GPR157: variants seen among roughly 807,000 people sequenced by gnomAD.
GPR157 encodes G-protein coupled receptor 157.
In GPR157, 16 loss-of-function variants were observed where a neutral mutation model predicts 23.5. The ratio of observed to expected loss-of-function variants is 0.68; its 90% CI spans 0.46 to 1.04. The LOEUF (loss-of-function observed/expected upper bound fraction) is 1.04, where lower values mean the gene tolerates loss of function less well. Ranked by LOEUF, GPR157 falls within the 50% of genes least tolerant of loss-of-function variation. The pLI is 0.00. For missense variants in GPR157, 440 were observed against 460.7 expected (o/e 0.96, Z 0.41); for synonymous variants, 200 against 221.5 (o/e 0.90, Z 0.86).
chr1:9,101,634 T>C lies in GPR157; in HGVS notation c.*2785A>G, dbSNP rs1035106596. 6 of 152,200 alleles carry C rather than the reference T, an allele frequency of 3.9e-5. No homozygotes were observed. The highest frequency in any genetic ancestry group is 8.8e-5 in the Non-Finnish European group (6 of 68,046). The allele number at this position is 152,200 out of a possible 1,614,324, so 9.4% of individuals were successfully genotyped here. ...TGATGTATAACTTTTTGGAGGTTTTTACAAAAGCAGATACAGTGGCCAGTG... is the reference window on the plus strand; with the variant it reads ...TGATGTATAACTTTTTGGAGGTTTTCACAAAAGCAGATACAGTGGCCAGTG... On this transcript the variant is annotated 3_prime_UTR_variant, in exon 4 of 4. Coordinates refer to ENST00000377411, the MANE Select transcript of GPR157 (RefSeq NM_024980.5).
At position 9,120,431 on chromosome 1, in the gene GPR157, C is replaced by A. The variant is rs534317388; in HGVS notation, c.383+8214G>T. Among the ~76,000 whole-genome samples the A allele has an allele frequency of 6.6e-6, 1 of 152,196 alleles. No individual in the cohort carries two copies. Among genetic ancestry groups the A allele is most frequent in the Non-Finnish European group, 1.5e-5 (1 of 68,040 alleles). ...CAGAAAACGCTTTGAGAACCAAACT[C>A]TTGTGCAACAATATGCCAATTTAAA... On this transcript the variant is annotated intron_variant, in intron 1 of 3. Coordinates refer to ENST00000377411, the MANE Select transcript of GPR157 (RefSeq NM_024980.5). This position sits in a 1 kb window ranked among gnomAD's most constrained non-coding sequence, Gnocchi z 4.1.
At chr1:9,109,361 G>T (rs911963645) in intron 2 of GPR157, among the ~76,000 whole-genome samples, 6 of 151,920 alleles carry the variant, frequency 3.9e-5, no homozygotes, top group Non-Finnish European at 8.8e-5. Flanking sequence ...GGGATTACAG[G>T]CATGAGTCAC....
intron 1 of GPR157, among the ~76,000 whole-genome samples, chr1:9,112,627 A>G (rs1638538361): frequency 6.6e-6 from 1 of 152,054 alleles, no homozygotes; most frequent in African/African-American, 2.4e-5. Flanking sequence ...TAATTTTTGT[A>G]TTTCTAGTAG....
intron 3 of GPR157, 39 bp from the exon 4 acceptor site, chr1:9,104,673 T>A (rs1275651399): frequency 2.7e-6 from 4 of 1,485,374 alleles, no homozygotes; most frequent in South Asian, 2.4e-5. Context: ...GGGGCTGGAG[T>A]TGGTCTCAGA....
In GPR157 at chr1:9,101,126, C is replaced by A. The variant is rs972997683; in HGVS notation, c.*3293G>T. On this transcript the variant is annotated 3_prime_UTR_variant, in exon 4 of 4. Coordinates refer to ENST00000377411, the MANE Select transcript of GPR157 (RefSeq NM_024980.5). ...GCAGTGGTGCAGTCTCGGCTCACTGCAACCTCTGCCTTCTGGGTTCAAGCA... is the reference window on the plus strand; with the variant it reads ...GCAGTGGTGCAGTCTCGGCTCACTGAAACCTCTGCCTTCTGGGTTCAAGCA... The A allele has an allele frequency of 1.6e-4, 25 of 152,126 alleles. No individual in the cohort carries two copies. Among genetic ancestry groups the A allele is most frequent in the African/African-American group, 6.0e-4 (25 of 41,422 alleles). 9.4% of individuals were successfully genotyped at this position (152,126 alleles called of 1,614,324 possible). A position where few individuals can be genotyped will look rare whatever the true frequency, so the allele number is the denominator to read the frequency against.
In GPR157 at chr1:9,120,983, C is replaced by T. The variant is rs757284712; in HGVS notation, c.383+7662G>A. On this transcript the variant is annotated intron_variant, in intron 1 of 3. Coordinates refer to ENST00000377411, the MANE Select transcript of GPR157 (RefSeq NM_024980.5). The surrounding 1 kb of genome is among the most constrained non-coding windows in gnomAD (Gnocchi z 4.1). ...ATTCAGATGCCACTGCCTGGGGAGA[C>T]GGGCCAGCTCTGCCACTGGCTTGTC... Among the ~76,000 whole-genome samples the T allele has an allele frequency of 1.2e-4, 19 of 152,326 alleles. No individual in the cohort carries two copies. Among genetic ancestry groups the T allele is most frequent in the African/African-American group, 3.6e-4 (15 of 41,562 alleles).
Position 9,128,977 on chromosome 1 carries a change from C to A in GPR157, c.51G>T (p.Val17=). The A allele has an allele frequency of 1.5e-6, 2 of 1,379,264 alleles. No homozygotes were observed. Among genetic ancestry groups the A allele is most frequent in the East Asian group, 2.9e-5 (1 of 34,122 alleles). 85.4% of individuals were successfully genotyped at this position (1,379,264 alleles called of 1,614,324 possible). The change falls in exon 1 of 4, where the codon GTG becomes GTT. Residue 17 remains valine (V), a synonymous_variant. Transcript: ENST00000377411. The surrounding 1 kb of genome is among the most constrained non-coding windows in gnomAD (Gnocchi z 6.3). ...PTELVPSERA[V]VLLSCALSAL... is the part of the protein sequence containing the mutation. Reference sequence around the variant, plus strand: ...CGGAGAGTGCGCACGACAGCAGCACCACGGCGCGCTCCGACGGCACCAGCT... The same window carrying A: ...CGGAGAGTGCGCACGACAGCAGCACAACGGCGCGCTCCGACGGCACCAGCT...
chr1:9,122,112 C>T (rs775687938), intron 1 of GPR157, among the ~76,000 whole-genome samples: 5 of 152,120 alleles, frequency 3.3e-5, no homozygotes, highest in Non-Finnish European at 5.9e-5. Flanking sequence ...GGAAGGGCTG[C>T]GCCACTCTTG....
Position 9,118,940 on chromosome 1 carries a change from C to T in GPR157, c.384-7451G>A, listed in dbSNP as rs1638743406. Among the ~76,000 whole-genome samples, 1 of 151,956 alleles carries T rather than the reference C, an allele frequency of 6.6e-6. No individual in the cohort carries two copies. Among genetic ancestry groups the T allele is most frequent in the Middle Eastern group, 3.4e-3 (1 of 294 alleles). ...GTCCCAGCTACCCAGGAGGCTGAGGCGGGAGAACCGCTTGAACCCAGGAGG... is the reference window on the plus strand; with the variant it reads ...GTCCCAGCTACCCAGGAGGCTGAGGTGGGAGAACCGCTTGAACCCAGGAGG... On this transcript the variant is annotated intron_variant, in intron 1 of 3. Coordinates refer to ENST00000377411, the MANE Select transcript of GPR157 (RefSeq NM_024980.5). This position sits in a 1 kb window ranked among gnomAD's most constrained non-coding sequence, Gnocchi z 4.6.
At position 9,100,505 on chromosome 1, in the gene GPR157, T is replaced by G. The variant is rs1265116940; in HGVS notation, c.*3914A>C. 1 of 152,162 alleles carries G rather than the reference T, an allele frequency of 6.6e-6. No individual in the cohort carries two copies. The highest frequency in any genetic ancestry group is 2.4e-5 in the African/African-American group (1 of 41,424). 9.4% of individuals were successfully genotyped at this position (152,162 alleles called of 1,614,324 possible). A position where few individuals can be genotyped will look rare whatever the true frequency, so the allele number is the denominator to read the frequency against. On this transcript the variant is annotated 3_prime_UTR_variant, in exon 4 of 4. Transcript: ENST00000377411. ...CTCAGCCTGGGCCAAATAATCATCTTTATTTAAAAACAAAACAGAACAAAC... is the reference window on the plus strand; with the variant it reads ...CTCAGCCTGGGCCAAATAATCATCTGTATTTAAAAACAAAACAGAACAAAC...
At chr1:9,121,815 G>A (rs939571842) in intron 1 of GPR157, among the ~76,000 whole-genome samples, 1 of 152,066 alleles carries the variant, frequency 6.6e-6, no homozygotes, top group Non-Finnish European at 1.5e-5. Flanking sequence ...GTGGATGAAC[G>A]TGTGTGTGAG....
chr1:9,116,205 A>ATT (rs1638643491), intron 1 of GPR157, among the ~76,000 whole-genome samples: 1 of 6,086 alleles, frequency 1.6e-4, no homozygotes, highest in Non-Finnish European at 2.2e-4. Flanking sequence ...AATTATATAT[A>ATT]TAATTATATA....
rs1184210630 is a variant in GPR157 at position 9,100,386 on chromosome 1, G to A, written c.*4033C>T. 6.6e-6 allele frequency: 1 copy of A among 152,160 alleles called. No homozygotes were observed. The highest frequency in any genetic ancestry group is 1.9e-4 in the East Asian group (1 of 5,196). The allele number at this position is 152,160 out of a possible 1,614,324, so 9.4% of individuals were successfully genotyped here. On this transcript the variant is annotated 3_prime_UTR_variant, in exon 4 of 4. Transcript: ENST00000377411. ...CAGTCAGGGCTTGCATTACAATTTTGCAGGTGCAAAAACTCACACTTTTGA... is the reference window on the plus strand; with the variant it reads ...CAGTCAGGGCTTGCATTACAATTTTACAGGTGCAAAAACTCACACTTTTGA...
At chr1:9,112,913 T>C (rs1557696462) in intron 1 of GPR157, among the ~76,000 whole-genome samples, 1 of 152,132 alleles carries the variant, frequency 6.6e-6, no homozygotes. Context: ...AGTTAAGAGC[T>C]TGGATTTTAG....
At position 9,128,716 on chromosome 1, in the gene GPR157, C is replaced by G; in HGVS notation, c.312G>C (p.Leu104Phe). The G allele has an allele frequency of 6.2e-7, 1 of 1,613,298 alleles. No individual in the cohort carries two copies. The highest frequency in any genetic ancestry group is 1.1e-5 in the South Asian group (1 of 91,070). Residue 104 changes from leucine to phenylalanine, a missense_variant, in exon 1 of 4, where the codon TTG becomes TTC. By Grantham distance (22) the Leu-to-Phe change is conservative. Transcript: ENST00000377411. The surrounding 1 kb of genome is among the most constrained non-coding windows in gnomAD (Gnocchi z 6.3). ...GCGCGGCGCGGACGATGCTGAGGTA[C>G]AAGTAGAGCGCAATGGCCACGGTCC... ...FFWTVAIALYLYLSIVRAARG... is the reference protein window; with the variant it reads ...FFWTVAIALYFYLSIVRAARG...
At chr1:9,126,481 G>A (rs1444230182) in intron 1 of GPR157, among the ~76,000 whole-genome samples, 1 of 152,088 alleles carries the variant, frequency 6.6e-6, no homozygotes, top group East Asian at 1.9e-4. Context: ...CTGTGTTGTC[G>A]TATTTTAAAA....
At chr1:9,113,953 C>G (rs941979732) in intron 1 of GPR157, among the ~76,000 whole-genome samples, 1 of 80,256 alleles carries the variant, frequency 1.2e-5, no homozygotes, top group Non-Finnish European at 2.5e-5. Context: ...AAAAAAAAAA[C>G]CAAACACACA....
At chr1:9,114,257 A>C (rs574857905) in intron 1 of GPR157, among the ~76,000 whole-genome samples, 4 of 134,196 alleles carry the variant, frequency 3.0e-5, no homozygotes, top group African/African-American at 1.1e-4. Context: ...TGAATCCAGG[A>C]GGTGGAGCTT....
chr1:9,119,823 G>A (rs945990893), intron 1 of GPR157, among the ~76,000 whole-genome samples: 3 of 152,216 alleles, frequency 2.0e-5, no homozygotes, highest in Non-Finnish European at 4.4e-5. Flanking sequence ...GTGTCCTCCA[G>A]AGAAAGGAAG....
Sources: allele counts gnomAD v4.1 joint callset (sites outside exome capture counted in the v4.1 genomes callset), GRCh38; gene constraint gnomAD v4.1.1; non-coding constraint Gnocchi (gnomAD v3.1); transcripts MANE v1.5; gene names NCBI Gene and HGNC (gene_info 2026-07-23, HGNC 2026-07-21).